The following HNRNPU variants were observed in gnomAD, a reference collection of about 807,000 sequenced individuals.
The protein encoded by HNRNPU is HNRNPU antisense RNA 1.
HNRNPU carries 5 observed loss-of-function variants against 94.7 expected under a neutral mutation model. That is an observed-to-expected ratio of 0.05 (90% CI 0.03 to 0.11). The LOEUF (loss-of-function observed/expected upper bound fraction) is 0.11, where lower values mean the gene tolerates loss of function less well. HNRNPU is among the 10% of genes least tolerant of loss of function. The pLI, the probability that HNRNPU is intolerant of heterozygous loss-of-function variation, is 1.00. For missense variants in HNRNPU, 710 were observed against 1,049.2 expected (o/e 0.68, Z 4.47); for synonymous variants, 434 against 381.6 (o/e 1.14, Z -1.60).
In HNRNPU at chr1:244,864,009, T is replaced by C; in HGVS notation, c.299A>G (p.Asp100Gly). ...CTCTCCTAGCTCCATCTGGTCGCCGTCCAGAGCGGAGATTCCTTCCTCCTC... is the reference window on the plus strand; with the variant it reads ...CTCTCCTAGCTCCATCTGGTCGCCGCCCAGAGCGGAGATTCCTTCCTCCTC... ...EEEEEGISAL[D>G]GDQMELGEEN... Residue 100 changes from aspartate (D) to glycine (G), a missense_variant, in exon 1 of 14, where the codon GAC (aspartate) becomes GGC (glycine). Coordinates refer to ENST00000640218, the MANE Select transcript of HNRNPU (RefSeq NM_031844.3). 1.2e-6 allele frequency: 2 copies of C among 1,613,374 alleles called. No individual in the cohort carries two copies. The highest frequency in any genetic ancestry group is 1.7e-6 in the Non-Finnish European group (2 of 1,179,812).
Position 244,858,711 on chromosome 1 carries a change from A to C in HNRNPU, c.1230+18T>G, listed in dbSNP as rs369082252. On this transcript the variant is annotated intron_variant, in intron 6 of 13. Coordinates refer to ENST00000640218, the MANE Select transcript of HNRNPU (RefSeq NM_031844.3). ...ACTAACTTTGCCATTTATACATAGA[A>C]AGTTAGCTTTAACTTACAGCAAAAC... is the stretch of plus-strand genomic sequence containing the variant. 3 of 1,346,794 alleles carry C rather than the reference A, an allele frequency of 2.2e-6. No individual in the cohort carries two copies. The highest frequency in any genetic ancestry group is 2.9e-5 in the African/African-American group (2 of 69,488). The allele number at this position is 1,346,794 out of a possible 1,614,324, so 83.4% of individuals were successfully genotyped here.
At chr1:244,859,003 G>A in intron 5 of HNRNPU, 162 bp from the exon 6 acceptor site, 2 of 596,736 alleles carry the variant, frequency 3.4e-6, no homozygotes, top group South Asian at 2.2e-5. Flanking sequence ...ATTGATGGAA[G>A]TTAGGAGGGA....
intron 4 of HNRNPU, 109 bp from the exon 5 acceptor site, chr1:244,859,483 AAAG>A (rs1458383369): frequency 9.9e-6 from 6 of 606,658 alleles, no homozygotes; most frequent in South Asian, 8.2e-5. Context: ...CTATAAATAC[AAAG>A]AAGGCACACT....
chr1:244,861,836 T>C (rs902485194), intron 3 of HNRNPU: 3 of 151,652 alleles, frequency 2.0e-5, no homozygotes, highest in Non-Finnish European at 4.4e-5. Flanking sequence ...CTGGGTAAAG[T>C]AGCAGTATTT....
chr1:244,854,256 C>T lies in HNRNPU; in HGVS notation c.*194G>A, dbSNP rs967994057. ...CGTGCACAATGCTGAGGTTCTCTTA[C>T]GATTCACTTTTAAACTGCAATTAAA... On this transcript the variant is annotated 3_prime_UTR_variant, in exon 14 of 14. Transcript: ENST00000640218. 40 of 575,530 alleles carry T rather than the reference C, an allele frequency of 7.0e-5. No homozygotes were observed. Among genetic ancestry groups the T allele is most frequent in the South Asian group, 4.1e-5 (2 of 49,318 alleles). 35.7% of individuals were successfully genotyped at this position (575,530 alleles called of 1,614,324 possible).
Position 244,864,116 on chromosome 1 carries a change from C to A in HNRNPU, c.192G>T (p.Gly64=), listed in dbSNP as rs1211808806. The change falls in exon 1 of 14, where the codon GGG becomes GGT. Residue 64 remains glycine, a synonymous_variant. Coordinates refer to ENST00000640218, the MANE Select transcript of HNRNPU (RefSeq NM_031844.3). The part of the protein sequence containing the change: ...EPGNGSLDLG[G]DSAGRSGAGL... Reference sequence around the variant, plus strand: ...CTGCTCCCGAGCGCCCAGCGGAATCCCCGCCCAGGTCTAGGCTGCCGTTCC... The same window carrying A: ...CTGCTCCCGAGCGCCCAGCGGAATCACCGCCCAGGTCTAGGCTGCCGTTCC... The A allele has an allele frequency of 6.3e-7, 1 of 1,597,324 alleles. No homozygotes were observed.
rs750797062 is a variant in HNRNPU at position 244,852,123 on chromosome 1, G to T, written c.*2327C>A. Reference sequence around the variant, plus strand: ...AAGGGAAGGATGAGCAATAAATCAGGTTTCTCGTTCGTATCTTACTTCTTA... The same window carrying T: ...AAGGGAAGGATGAGCAATAAATCAGTTTTCTCGTTCGTATCTTACTTCTTA... On this transcript the variant is annotated 3_prime_UTR_variant, in exon 14 of 14. Transcript: ENST00000640218. The T allele has an allele frequency of 1.3e-5, 2 of 152,026 alleles. No individual in the cohort carries two copies. Among genetic ancestry groups the T allele is most frequent in the African/African-American group, 2.4e-5 (1 of 41,372 alleles). The allele number at this position is 152,026 out of a possible 1,614,324, so 9.4% of individuals were successfully genotyped here.
chr1:244,858,999 G>A (rs541360271), intron 5 of HNRNPU, 158 bp from the exon 6 acceptor site: 4 of 596,096 alleles, frequency 6.7e-6, no homozygotes, highest in South Asian at 6.5e-5. Context: ...CAGAATTGAT[G>A]GAAGTTAGGA....
chr1:244,857,577 G>T (rs752167438), intron 8 of HNRNPU, 21 bp downstream of exon 8: 1 of 1,609,752 alleles, frequency 6.2e-7, no homozygotes, highest in Non-Finnish European at 8.5e-7. Context: ...ACTGAGATCA[G>T]GCCCTAAACA....
intron 4 of HNRNPU, chr1:244,860,100 G>A (rs1680786693): frequency 7.6e-6 from 3 of 393,436 alleles, no homozygotes; most frequent in African/African-American, 6.2e-5. Flanking sequence ...AAGAGTTGGC[G>A]ACCAGCCTGG....
chr1:244,862,771 C>T lies in HNRNPU; in HGVS notation c.692-41G>A, dbSNP rs1000586282. 3 of 1,490,854 alleles carry T rather than the reference C, an allele frequency of 2.0e-6. No individual in the cohort carries two copies. The African/African-American group carries it at 4.2e-5, about 21-fold the overall frequency. The allele number at this position is 1,490,854 out of a possible 1,614,324, so 92.4% of individuals were successfully genotyped here. On this transcript the variant is annotated intron_variant, in intron 1 of 13. Coordinates refer to ENST00000640218, the MANE Select transcript of HNRNPU (RefSeq NM_031844.3). ...GCCCCATAAAGGCCAAGCCTCTAAACAACAAAAAAACGCTTTTCCGTTCCG... is the reference window on the plus strand; with the variant it reads ...GCCCCATAAAGGCCAAGCCTCTAAATAACAAAAAAACGCTTTTCCGTTCCG...
At position 244,850,479 on chromosome 1, in the gene HNRNPU, C is replaced by G. The variant is rs1024080506; in HGVS notation, c.*3971G>C. On this transcript the variant is annotated 3_prime_UTR_variant, in exon 14 of 14. Coordinates refer to ENST00000640218, the MANE Select transcript of HNRNPU (RefSeq NM_031844.3). ...TTATGGAGTAGCTGTGCCCACACCC[C>G]CCCCCAAAAAAAAGCTTTAATAAAG... 1.4e-5 allele frequency: 2 copies of G among 138,376 alleles called. No individual in the cohort carries two copies. The highest frequency in any genetic ancestry group is 3.1e-5 in the Non-Finnish European group (2 of 64,114). The allele number at this position is 138,376 out of a possible 1,614,324, so 8.6% of individuals were successfully genotyped here.
In HNRNPU at chr1:244,854,447, T is replaced by C. The variant is rs1241067855; in HGVS notation, c.*3A>G. ...TATGTATCAGTTCGTTTTATTTGGG[T>C]ATTCAATAATATCCTTGGTGATAAT... On this transcript the variant is annotated 3_prime_UTR_variant, in exon 14 of 14. Coordinates refer to ENST00000640218, the MANE Select transcript of HNRNPU (RefSeq NM_031844.3). The C allele has an allele frequency of 1.9e-6, 3 of 1,572,674 alleles. No individual in the cohort carries two copies. Among genetic ancestry groups the C allele is most frequent in the African/African-American group, 2.7e-5 (2 of 74,138 alleles).
rs1558187847 is a variant in HNRNPU, at chr1:244,858,753, TTCA to T, written c.1203_1205del (p.Asp401del). The T allele has an allele frequency of 7.6e-6, 12 of 1,587,316 alleles. No homozygotes were observed. Among genetic ancestry groups the T allele is most frequent in the Non-Finnish European group, 9.5e-6 (11 of 1,156,322 alleles). ...CAGCAAAACATGTAATCACATCATTTTCATCAAACTTTTCTCCATAATCTTCAG... is the reference window on the plus strand; with the variant it reads ...CAGCAAAACATGTAATCACATCATTTTCAAACTTTTCTCCATAATCTTCAG... On this transcript the variant is annotated inframe_deletion, in exon 6 of 14. Coordinates refer to ENST00000640218, the MANE Select transcript of HNRNPU (RefSeq NM_031844.3).
intron 1 of HNRNPU, chr1:244,863,113 CCGCCCCGCCCGGCT>C (rs1314201450): frequency 5.3e-6 from 1 of 188,830 alleles, no homozygotes; most frequent in Non-Finnish European, 1.1e-5. Flanking sequence ...GCCCCCCGCC[CCGCCCCGCCCGGCT>C]CCTCCCGCCG....
rs1680569069 is a variant in HNRNPU, at chr1:244,852,351, C to G, written c.*2099G>C. ...TGGGCTAAACAGGCATGATAGTCTA[C>G]CTAGTGTTACTTGACCATTACTTTC... On this transcript the variant is annotated 3_prime_UTR_variant, in exon 14 of 14. Coordinates refer to ENST00000640218, the MANE Select transcript of HNRNPU (RefSeq NM_031844.3). The G allele has an allele frequency of 6.6e-6, 1 of 152,124 alleles. No homozygotes were observed. The highest frequency in any genetic ancestry group is 6.5e-5 in the Admixed American group (1 of 15,272). 9.4% of individuals were successfully genotyped at this position (152,124 alleles called of 1,614,324 possible). A position where few individuals can be genotyped will look rare whatever the true frequency, so the allele number is the denominator to read the frequency against.
rs145042684 is a variant in HNRNPU, at chr1:244,858,871, G to C, written c.1118-30C>G. 5.4e-5 allele frequency: 58 copies of C among 1,076,038 alleles called. No individual in the cohort carries two copies. The South Asian group carries it at 6.7e-4, about 13-fold the overall frequency. The allele number at this position is 1,076,038 out of a possible 1,614,324, so 66.7% of individuals were successfully genotyped here. A position where few individuals can be genotyped will look rare whatever the true frequency, so the allele number is the denominator to read the frequency against. ...GAAAATAATTAATCTTCATGAAGTA[G>C]ATGTTTAAAATAGTCCAAAGACTCA... is the stretch of plus-strand genomic sequence containing the variant. On this transcript the variant is annotated intron_variant, in intron 5 of 13. Coordinates refer to ENST00000640218, the MANE Select transcript of HNRNPU (RefSeq NM_031844.3).
Position 244,851,371 on chromosome 1 carries a change from G to A in HNRNPU, c.*3079C>T, listed in dbSNP as rs759739215. The A allele has an allele frequency of 6.6e-6, 1 of 152,062 alleles. No homozygotes were observed. Among genetic ancestry groups the A allele is most frequent in the South Asian group, 2.1e-4 (1 of 4,820 alleles). The allele number at this position is 152,062 out of a possible 1,614,324, so 9.4% of individuals were successfully genotyped here. A position where few individuals can be genotyped will look rare whatever the true frequency, so the allele number is the denominator to read the frequency against. On this transcript the variant is annotated 3_prime_UTR_variant, in exon 14 of 14. Transcript: ENST00000640218. Reference sequence around the variant, plus strand: ...GTGCAATGGAACCCATTATTCACATGGTCCTAGAATAAAAAGTCAATTTAT... The same window carrying A: ...GTGCAATGGAACCCATTATTCACATAGTCCTAGAATAAAAAGTCAATTTAT...
Position 244,854,451 on chromosome 1 carries a change from C to CA in HNRNPU, c.2476dup (p.Ter826LeufsTer27). Reference sequence around the variant, plus strand: ...TATCAGTTCGTTTTATTTGGGTATTCAATAATATCCTTGGTGATAATGCTG... The same window carrying CA: ...TATCAGTTCGTTTTATTTGGGTATTCAAATAATATCCTTGGTGATAATGCTG... On this transcript the variant is annotated frameshift_variant and stop_lost, in exon 14 of 14. Transcript: ENST00000640218. LOFTEE classifies it high-confidence loss of function. 1 of 1,584,734 alleles carries CA rather than the reference C, an allele frequency of 6.3e-7. No individual in the cohort carries two copies.
Sources: gnomAD v4.1 joint callset for allele counts on GRCh38, gnomAD v4.1.1 for gene constraint, MANE v1.5 for transcripts, NCBI Gene and HGNC (gene_info 2026-07-23, HGNC 2026-07-21) for gene names.